ARL15: variants seen among roughly 807,000 people sequenced by gnomAD.
ARL15 encodes ARF like GTPase 15.
ARL15 carries 19 observed loss-of-function variants against 25.2 expected under a neutral mutation model. That is an observed-to-expected ratio of 0.75 (90% confidence interval 0.53 to 1.10). The LOEUF (loss-of-function observed/expected upper bound fraction) is 1.10. Ranked by LOEUF, ARL15 falls within the 50% of genes least tolerant of loss-of-function variation. ARL15 has a pLI of 0.00. For synonymous variants in ARL15, 94 were observed against 86.8 expected, an observed-to-expected ratio of 1.08 and a Z score of -0.46; for missense variants, 220 against 246.0, an observed-to-expected ratio of 0.89 and a Z score of 0.71.
chr5:54,067,180 C>T (rs1300235521), intron 4 of ARL15: 1 of 152,656 alleles, frequency 6.6e-6, no homozygotes, highest in Non-Finnish European at 1.5e-5. Flanking sequence ...AGTAGTGCTT[C>T]ACACGGGTGT....
At chr5:54,121,420 G>A (rs940843482) in intron 3 of ARL15, among the ~76,000 whole-genome samples, 1 of 151,986 alleles carries the variant, frequency 6.6e-6, no homozygotes, top group South Asian at 2.1e-4. Flanking sequence ...TCAGGCTCAA[G>A]CATAAAATAG....
At chr5:53,932,535 T>C (rs1053733745) in intron 4 of ARL15, among the ~76,000 whole-genome samples, 5 of 152,150 alleles carry the variant, frequency 3.3e-5, no homozygotes, top group East Asian at 1.9e-4. Flanking sequence ...CGGATCACCA[T>C]CTGGGTTGAG....
chr5:53,888,354 C>G (rs1561136720), intron 4 of ARL15, among the ~76,000 whole-genome samples: 1 of 151,972 alleles, frequency 6.6e-6, no homozygotes, highest in African/African-American at 2.4e-5. Context: ...GAACACAGCT[C>G]ACTGCAGCCT....
chr5:54,047,282 T>A (rs1750550390), intron 4 of ARL15, among the ~76,000 whole-genome samples: 1 of 152,168 alleles, frequency 6.6e-6, no homozygotes, highest in South Asian at 2.1e-4. Context: ...GTAAGGGAGA[T>A]TGACTTGTTC....
chr5:54,069,176 T>C (rs894993521), intron 4 of ARL15, among the ~76,000 whole-genome samples: 2 of 152,158 alleles, frequency 1.3e-5, no homozygotes, highest in African/African-American at 4.8e-5. Flanking sequence ...CAAACAAATA[T>C]GGATGATGAG....
chr5:53,952,543 A>G (rs1206995869), intron 4 of ARL15, among the ~76,000 whole-genome samples: 3 of 152,156 alleles, frequency 2.0e-5, no homozygotes, highest in Non-Finnish European at 2.9e-5. Context: ...ATTAAAAAAA[A>G]TGAATGTGAA....
At chr5:53,922,564 T>C (rs1365934504) in intron 4 of ARL15, among the ~76,000 whole-genome samples, 1 of 152,188 alleles carries the variant, frequency 6.6e-6, no homozygotes, top group Non-Finnish European at 1.5e-5. Context: ...GGCAGTGCTG[T>C]AGTGCAGTTC....
At chr5:53,932,477 C>G (rs1388297900) in intron 4 of ARL15, among the ~76,000 whole-genome samples, 1 of 152,188 alleles carries the variant, frequency 6.6e-6, no homozygotes, top group Non-Finnish European at 1.5e-5. Context: ...TTCCCAATCT[C>G]AGGCTTTCTA....
intron 1 of ARL15, among the ~76,000 whole-genome samples, chr5:54,280,894 T>G (rs1217941438): frequency 6.6e-6 from 1 of 151,746 alleles, no homozygotes; most frequent in African/African-American, 2.4e-5. Context: ...TCCTTCATGC[T>G]CATCTACATA....
chr5:54,138,354 A>C (rs1753667677), intron 3 of ARL15, among the ~76,000 whole-genome samples: 1 of 152,182 alleles, frequency 6.6e-6, no homozygotes, highest in Admixed American at 6.5e-5. Context: ...CAGGATAGAG[A>C]ATGCAGAAAT....
At chr5:54,184,315 C>T (rs1165933592) in intron 1 of ARL15, among the ~76,000 whole-genome samples, 10 of 146,494 alleles carry the variant, frequency 6.8e-5, no homozygotes, top group African/African-American at 1.0e-4. Context: ...TGATGGTGTG[C>T]GCCTGTAGTC....
At chr5:54,150,360 C>A (rs1754031584) in intron 3 of ARL15, among the ~76,000 whole-genome samples, 1 of 152,110 alleles carries the variant, frequency 6.6e-6, no homozygotes, top group African/African-American at 2.4e-5. Flanking sequence ...GAAGTCAGAA[C>A]CATAACTGAG....
intron 1 of ARL15, among the ~76,000 whole-genome samples, chr5:54,278,271 T>C (rs2068148962): frequency 6.6e-6 from 1 of 152,200 alleles, no homozygotes; most frequent in African/African-American, 2.4e-5. Context: ...GGCCTGGAGC[T>C]CAACCATGCC....
At chr5:54,253,686 G>A (rs778667047) in intron 1 of ARL15, among the ~76,000 whole-genome samples, 5 of 151,998 alleles carry the variant, frequency 3.3e-5, no homozygotes, top group Non-Finnish European at 5.9e-5. Flanking sequence ...CGACCTCGGA[G>A]CTCAGGTGAT....
At chr5:54,244,768 C>T (rs1204183562) in intron 1 of ARL15, among the ~76,000 whole-genome samples, 1 of 150,534 alleles carries the variant, frequency 6.6e-6, no homozygotes. Context: ...CCTAATTCCA[C>T]ACATTACGTA....
intron 1 of ARL15, among the ~76,000 whole-genome samples, chr5:54,190,374 T>C (rs947317250): frequency 3.3e-5 from 5 of 149,662 alleles, no homozygotes; most frequent in Non-Finnish European, 3.0e-5. Context: ...GCCTAGGTGA[T>C]AGAATGAGAC....
chr5:53,915,348 C>T (rs1580075738), intron 4 of ARL15, among the ~76,000 whole-genome samples: 1 of 152,248 alleles, frequency 6.6e-6, no homozygotes, highest in East Asian at 1.9e-4. Flanking sequence ...TGATACTGCC[C>T]TCAAAGAACC....
At chr5:54,084,757 T>C (rs1005125857) in intron 4 of ARL15, among the ~76,000 whole-genome samples, 3 of 151,934 alleles carry the variant, frequency 2.0e-5, no homozygotes, top group African/African-American at 4.8e-5. Context: ...GAAGACAACA[T>C]TGCCTACCTG....
rs566647016 is a variant in ARL15, at chr5:54,243,115, TGCTTAGG to T, written c.48+67310_48+67316del. Among the ~76,000 whole-genome samples, 36 of 152,316 alleles carry T rather than the reference TGCTTAGG, an allele frequency of 2.4e-4. No individual in the cohort carries two copies. In the East Asian group the frequency reaches 3.3e-3, roughly 14 times the overall value. On this transcript the variant is annotated intron_variant, in intron 1 of 4. Transcript: ENST00000504924. The stretch of plus-strand genomic sequence containing the variant: ...TCAACAATAATAGAATATTATTACC[TGCTTAGG>T]AATAGACAGATTCAAAAAGATTTTA...
Sources: gnomAD v4.1 joint callset for allele counts (sites outside exome capture counted in the v4.1 genomes callset) on GRCh38, gnomAD v4.1.1 for gene constraint, MANE v1.5 for transcripts, NCBI Gene and HGNC (gene_info 2026-07-23, HGNC 2026-07-21) for gene names.